ZBTB7A: variants seen among roughly 807,000 people sequenced by gnomAD.
ZBTB7A encodes zinc finger and BTB domain-containing protein 7A.
In ZBTB7A, 7 loss-of-function variants were observed where a neutral mutation model predicts 26.7. The observed-to-expected ratio is 0.26, with a 90% confidence interval of 0.15 to 0.49. The LOEUF (loss-of-function observed/expected upper bound fraction) is 0.49. ZBTB7A is among the 20% of genes least tolerant of loss of function. ZBTB7A has a pLI of 0.98. For missense variants in ZBTB7A, 617 were observed against 919.5 expected (o/e 0.67, Z 4.25); for synonymous variants, 452 against 441.0 (o/e 1.02, Z -0.31).
In ZBTB7A at chr19:4,055,093, G is replaced by A; in HGVS notation, c.140C>T (p.Thr47Met). 1 of 1,609,888 alleles carries A rather than the reference G, an allele frequency of 6.2e-7. No individual in the cohort carries two copies. The highest frequency in any genetic ancestry group is 8.5e-7 in the Non-Finnish European group (1 of 1,179,742). Residue 47 changes from threonine to methionine, a missense_variant, in exon 2 of 3, where the codon ACG (threonine) becomes ATG (methionine). Coordinates refer to ENST00000322357, the MANE Select transcript of ZBTB7A (RefSeq NM_015898.4). ...VILVEGREFPTHRSVLAACSQ... is the reference protein window; with the variant it reads ...VILVEGREFPMHRSVLAACSQ... The stretch of plus-strand genomic sequence containing the variant: ...GCAGGCGGCCAGCACCGAGCGGTGC[G>A]TGGGGAACTCGCGGCCCTCCACCAG...
intron 2 of ZBTB7A, among the ~76,000 whole-genome samples, chr19:4,053,079 T>A (rs2040521225): frequency 6.6e-6 from 1 of 152,096 alleles, no homozygotes; most frequent in African/African-American, 2.4e-5. Context: ...TGAGGGCCTG[T>A]CACCCTCTCC....
chr19:4,054,336 TC>T lies in ZBTB7A; in HGVS notation c.896del (p.Gly299GlufsTer25). 6.6e-7 allele frequency: 1 copy of T among 1,507,098 alleles called. No homozygotes were observed. The allele number at this position is 1,507,098 out of a possible 1,614,324, so 93.4% of individuals were successfully genotyped here. The stretch of plus-strand genomic sequence containing the variant: ...CGTCCCCGTCCTCGCCCTCGGCCGC[TC>T]CCGACAGGAAGCCCGGAGAGTCGCC... The part of the protein sequence containing the change: ...EPGDSPGFLS[G>X]AAEGEDGDGP... On this transcript the variant is annotated frameshift_variant, in exon 2 of 3. Transcript: ENST00000322357. LOFTEE classifies it high-confidence loss of function.
intron 2 of ZBTB7A, among the ~76,000 whole-genome samples, chr19:4,053,305 A>C (rs890607663): frequency 1.3e-5 from 2 of 152,228 alleles, no homozygotes; most frequent in Admixed American, 1.3e-4. Flanking sequence ...TGTTCTTAAC[A>C]GCCACGTGGG....
At chr19:4,056,459 C>G (rs1262965265) in intron 1 of ZBTB7A, among the ~76,000 whole-genome samples, 1 of 152,206 alleles carries the variant, frequency 6.6e-6, no homozygotes, top group Non-Finnish European at 1.5e-5. Flanking sequence ...CGGCTCGGTG[C>G]TCACGCCTGT....
intron 1 of ZBTB7A, among the ~76,000 whole-genome samples, chr19:4,055,713 C>T (rs2040570609): frequency 6.6e-6 from 1 of 152,114 alleles, no homozygotes; most frequent in Non-Finnish European, 1.5e-5. Context: ...GTTCCAGCTA[C>T]TCGGGAGGCT....
intron 1 of ZBTB7A, among the ~76,000 whole-genome samples, chr19:4,058,799 G>A (rs1232151838): frequency 1.3e-5 from 2 of 152,178 alleles, no homozygotes; most frequent in South Asian, 2.1e-4. Context: ...CCCTCAGCGC[G>A]GGGCCTGAGC....
rs1014400556 is a variant in ZBTB7A at position 4,048,311 on chromosome 19, C to T, written c.1263-67G>A. 14 of 1,485,572 alleles carry T rather than the reference C, an allele frequency of 9.4e-6. No homozygotes were observed. In the African/African-American group the frequency reaches 1.5e-4, roughly 15 times the overall value. 92.0% of individuals were successfully genotyped at this position (1,485,572 alleles called of 1,614,324 possible). A position where few individuals can be genotyped will look rare whatever the true frequency, so the allele number is the denominator to read the frequency against. ...GGACCCCCGATCCCCGCCCAGGGAC[C>T]CTCACGGACACGGCAGGCCCTGGAT... On this transcript the variant is annotated intron_variant, in intron 2 of 2. Coordinates refer to ENST00000322357, the MANE Select transcript of ZBTB7A (RefSeq NM_015898.4). This position sits in a 1 kb window ranked among gnomAD's most constrained non-coding sequence, Gnocchi z 6.7.
chr19:4,054,317 C>T lies in ZBTB7A; in HGVS notation c.916G>A (p.Gly306Arg), dbSNP rs1364395744. The T allele has an allele frequency of 3.9e-6, 6 of 1,523,238 alleles. No individual in the cohort carries two copies. The highest frequency in any genetic ancestry group is 5.3e-6 in the Non-Finnish European group (6 of 1,142,206). 94.4% of individuals were successfully genotyped at this position (1,523,238 alleles called of 1,614,324 possible). A position where few individuals can be genotyped will look rare whatever the true frequency, so the allele number is the denominator to read the frequency against. The change falls in exon 2 of 3, where the codon GGG (glycine) becomes AGG (arginine). Residue 306 changes from glycine (G) to arginine (R), a missense_variant. Physicochemically the swap from Gly to Arg is moderately radical, Grantham distance 125. This residue lies in a region of ZBTB7A where 331 missense variants were observed against 391.3 expected (regional missense o/e 0.85). Coordinates refer to ENST00000322357, the MANE Select transcript of ZBTB7A (RefSeq NM_015898.4). ...FLSGAAEGED[G>R]DGPDVDGLAA... ...AGCCCGTCCACGTCGGGCCCGTCCC[C>T]GTCCTCGCCCTCGGCCGCTCCCGAC... is the stretch of plus-strand genomic sequence containing the variant.
Position 4,047,645 on chromosome 19 carries a change from A to C in ZBTB7A, c.*107T>G. The C allele has an allele frequency of 8.8e-7, 1 of 1,141,240 alleles. No individual in the cohort carries two copies. Among genetic ancestry groups the C allele is most frequent in the Non-Finnish European group, 1.2e-6 (1 of 819,262 alleles). The allele number at this position is 1,141,240 out of a possible 1,614,324, so 70.7% of individuals were successfully genotyped here. A position where few individuals can be genotyped will look rare whatever the true frequency, so the allele number is the denominator to read the frequency against. On this transcript the variant is annotated 3_prime_UTR_variant, in exon 3 of 3. Transcript: ENST00000322357. ...TATATATATAGATATAGATATCTGT[A>C]TATAGATAGATTTTCTTTTTTTGTG...
chr19:4,063,419 GCCTCTGAGGACCAAGGT>G (rs1568238636), intron 1 of ZBTB7A, among the ~76,000 whole-genome samples: 2 of 152,184 alleles, frequency 1.3e-5, no homozygotes, highest in Admixed American at 1.3e-4. Flanking sequence ...AGCCCTGCCC[GCCTCTGAGGACCAAGGT>G]GAGACGAGTT....
chr19:4,046,933 T>TG lies in ZBTB7A; in HGVS notation c.*818dup, dbSNP rs913912193. 17 of 23,102 alleles carry TG rather than the reference T, an allele frequency of 7.4e-4. No individual in the cohort carries two copies. The highest frequency in any genetic ancestry group is 1.4e-3 in the East Asian group (1 of 690). 1.4% of individuals were successfully genotyped at this position (23,102 alleles called of 1,614,324 possible). On this transcript the variant is annotated 3_prime_UTR_variant, in exon 3 of 3. Coordinates refer to ENST00000322357, the MANE Select transcript of ZBTB7A (RefSeq NM_015898.4). ...GGGGTCTAGGTGGACCGGGCGGGGG[T>TG]GGGGGGGCGCCCTGAGGGGTGGTCC...
chr19:4,054,239 C>T lies in ZBTB7A; in HGVS notation c.994G>A (p.Ala332Thr). The T allele has an allele frequency of 6.3e-7, 1 of 1,579,758 alleles. No homozygotes were observed. The highest frequency in any genetic ancestry group is 8.5e-7 in the Non-Finnish European group (1 of 1,169,834). Residue 332 changes from alanine to threonine, a missense_variant, in exon 2 of 3, where the codon GCC becomes ACC. Ala to Thr is a moderately conservative substitution (Grantham distance 58). This residue lies in a region of ZBTB7A where 331 missense variants were observed against 391.3 expected (regional missense o/e 0.85). Coordinates refer to ENST00000322357, the MANE Select transcript of ZBTB7A (RefSeq NM_015898.4). ...QMMSSVGRAG[A>T]AAGDSDEESR... is the part of the protein sequence containing the mutation. ...TCCTCGTCGCTGTCCCCCGCCGCGG[C>T]CCCCGCCCGGCCCACCGATGACATC...
chr19:4,049,194 ATATATATATATATATGT>A (rs1254649547), intron 2 of ZBTB7A, among the ~76,000 whole-genome samples: 450 of 34,520 alleles, frequency 0.013, 108 homozygotes, highest in East Asian at 0.083. Flanking sequence ...ATATATATAT[ATATATATATATATATGT>A]AAGTTTGAGA....
Position 4,055,212 on chromosome 19 carries a change from G to A in ZBTB7A, c.21C>T (p.Gly7=). The A allele has an allele frequency of 6.5e-7, 1 of 1,531,190 alleles. No homozygotes were observed. The highest frequency in any genetic ancestry group is 1.2e-5 in the South Asian group (1 of 80,382). The allele number at this position is 1,531,190 out of a possible 1,614,324, so 94.9% of individuals were successfully genotyped here. Residue 7 remains glycine (G), a synonymous_variant, in exon 2 of 3, where the codon GGC becomes GGT. Transcript: ENST00000322357. MAGGVD[G]PIGIPFPDHS... is the part of the protein sequence containing the mutation. The stretch of plus-strand genomic sequence containing the variant: ...GGTCGGGGAACGGGATCCCGATGGG[G>A]CCGTCCACGCCGCCGGCCATCTTCC...
chr19:4,049,930 GT>G (rs140802035), intron 2 of ZBTB7A, among the ~76,000 whole-genome samples: 5 of 151,268 alleles, frequency 3.3e-5, no homozygotes, highest in Non-Finnish European at 5.9e-5. Flanking sequence ...CTCTTCTATT[GT>G]TTTTTTTTCT....
In ZBTB7A at chr19:4,046,780, ATATATC is replaced by A. The variant is rs1346447577; in HGVS notation, c.*966_*971del. On this transcript the variant is annotated 3_prime_UTR_variant, in exon 3 of 3. Transcript: ENST00000322357. ...AAAAGTATATTATTTATATATATAT[ATATATC>A]TATATATAAATTTTGTTTTTAAGGA... 1 of 147,258 alleles carries A rather than the reference ATATATC, an allele frequency of 6.8e-6. No homozygotes were observed. The highest frequency in any genetic ancestry group is 1.5e-5 in the Non-Finnish European group (1 of 66,882). 9.1% of individuals were successfully genotyped at this position (147,258 alleles called of 1,614,324 possible). A position where few individuals can be genotyped will look rare whatever the true frequency, so the allele number is the denominator to read the frequency against.
chr19:4,045,866 C>G lies in ZBTB7A; in HGVS notation c.*1886G>C. On this transcript the variant is annotated 3_prime_UTR_variant, in exon 3 of 3. Transcript: ENST00000322357. This position sits in a 1 kb window ranked among gnomAD's most constrained non-coding sequence, Gnocchi z 4.1. ...GGCAGGTCCCAGTCCCCCTGGATTA[C>G]AGTCAGTGCCTTTGAGTAAAAAGAG... The G allele has an allele frequency of 2.5e-6, 1 of 398,700 alleles. No individual in the cohort carries two copies. Among genetic ancestry groups the G allele is most frequent in the East Asian group, 3.6e-5 (1 of 28,054 alleles). The allele number at this position is 398,700 out of a possible 1,614,324, so 24.7% of individuals were successfully genotyped here. A position where few individuals can be genotyped will look rare whatever the true frequency, so the allele number is the denominator to read the frequency against.
intron 1 of ZBTB7A, among the ~76,000 whole-genome samples, chr19:4,057,777 T>C (rs1443453739): frequency 2.6e-5 from 3 of 114,660 alleles, no homozygotes; most frequent in South Asian, 5.4e-4. Flanking sequence ...GCGAGACTCG[T>C]CTCCAAAAAA....
Position 4,055,047 on chromosome 19 carries a change from C to T in ZBTB7A, c.186G>A (p.Leu62=). 1 of 1,610,926 alleles carries T rather than the reference C, an allele frequency of 6.2e-7. No homozygotes were observed. The part of the protein sequence containing the change: ...LAACSQYFKK[L]FTSGAVVDQQ... ...GGTCCACCACGGCGCCCGACGTGAA[C>T]AGCTTCTTGAAGTACTGGCTGCAGG... Residue 62 remains leucine, a synonymous_variant, in exon 2 of 3, where the codon CTG becomes CTA. Transcript: ENST00000322357.
Sources: gnomAD v4.1 joint callset for allele counts (sites outside exome capture counted in the v4.1 genomes callset) on GRCh38, gnomAD v4.1.1 for gene constraint, gnomAD v4.1.1 regional missense constraint, Gnocchi (gnomAD v3.1) non-coding constraint, MANE v1.5 for transcripts, NCBI Gene and HGNC (gene_info 2026-07-23, HGNC 2026-07-21) for gene names.